Variants in POU2AF2 observed in about 807,000 individuals in gnomAD.
The protein encoded by POU2AF2 is POU class 2 homeobox associating factor 2.
the POU2AF2 span, among the ~76,000 whole-genome samples, chr11:111,272,115 A>G: frequency 1.1e-4 from 17 of 152,184 alleles, no homozygotes; most frequent in Non-Finnish European, 2.1e-4. Flanking sequence ...CAGGTATGTG[A>G]CATGCAGTTC....
chr11:111,248,297 CA>C, the POU2AF2 span, among the ~76,000 whole-genome samples: 1 of 152,130 alleles, frequency 6.6e-6, no homozygotes, highest in Admixed American at 6.5e-5. Context: ...GTCTGATTCT[CA>C]GTAATGTGGA....
At chr11:111,259,371 A>G in the POU2AF2 span, among the ~76,000 whole-genome samples, 2 of 142,842 alleles carry the variant, frequency 1.4e-5, no homozygotes, top group East Asian at 2.1e-4. Flanking sequence ...GCTGGAGTGC[A>G]GTGGCACAAT....
chr11:111,252,019 T>A, the POU2AF2 span, among the ~76,000 whole-genome samples: 2 of 152,252 alleles, frequency 1.3e-5, no homozygotes, highest in African/African-American at 4.8e-5. Flanking sequence ...CTTTTTGGCA[T>A]ACACATAAAG....
chr11:111,255,919 G>A, the POU2AF2 span: 6 of 398,602 alleles, frequency 1.5e-5, no homozygotes, highest in Non-Finnish European at 2.2e-5. Flanking sequence ...CCCTAAACAT[G>A]TCCTTTGGGA....
the POU2AF2 span, among the ~76,000 whole-genome samples, chr11:111,264,261 C>G: frequency 1.3e-5 from 2 of 151,672 alleles, no homozygotes; most frequent in Non-Finnish European, 2.9e-5. Flanking sequence ...TTTGGGAGGC[C>G]GAGGTGGGCA....
the POU2AF2 span, among the ~76,000 whole-genome samples, chr11:111,272,032 T>C: frequency 6.6e-6 from 1 of 152,152 alleles, no homozygotes; most frequent in Non-Finnish European, 1.5e-5. Flanking sequence ...AAAAGAACTT[T>C]ATAACCTGGT....
chr11:111,285,742 G>A, the POU2AF2 span: 46 of 1,613,298 alleles, frequency 2.9e-5, no homozygotes, highest in South Asian at 3.3e-4. Context: ...CACCCAGCAC[G>A]AGTTGCCTCT....
chr11:111,252,223 C>G, the POU2AF2 span, among the ~76,000 whole-genome samples: 1 of 152,112 alleles, frequency 6.6e-6, no homozygotes, highest in Admixed American at 6.5e-5. Flanking sequence ...GCCAGGACTG[C>G]GTAGATTAGA....
At chr11:111,257,574 C>A in the POU2AF2 span, among the ~76,000 whole-genome samples, 1 of 151,992 alleles carries the variant, frequency 6.6e-6, no homozygotes, top group Non-Finnish European at 1.5e-5. Context: ...AGGGGTTCCA[C>A]TATGTTGGCC....
the POU2AF2 span, among the ~76,000 whole-genome samples, chr11:111,257,403 A>G: frequency 6.8e-6 from 1 of 146,314 alleles, no homozygotes; most frequent in Admixed American, 7.0e-5. Context: ...ACTGTTGCCC[A>G]GGCTGGTGTG....
the POU2AF2 span, among the ~76,000 whole-genome samples, chr11:111,247,936 T>C: frequency 7.2e-6 from 1 of 138,230 alleles, no homozygotes; most frequent in Admixed American, 7.9e-5. Flanking sequence ...TGGAGTGCAG[T>C]GGTGTGGCGC....
the POU2AF2 span, among the ~76,000 whole-genome samples, chr11:111,258,399 AG>A: frequency 6.6e-6 from 1 of 152,208 alleles, no homozygotes; most frequent in Non-Finnish European, 1.5e-5. Context: ...AGGGTGAATG[AG>A]TGTGTAACTC....
chr11:111,278,325 T>C, the POU2AF2 span, among the ~76,000 whole-genome samples: 1 of 152,208 alleles, frequency 6.6e-6, no homozygotes, highest in Non-Finnish European at 1.5e-5. Flanking sequence ...ATGCTGCTTC[T>C]GAGTTGTTGG....
At chr11:111,269,933 G>A in the POU2AF2 span, among the ~76,000 whole-genome samples, 1 of 152,198 alleles carries the variant, frequency 6.6e-6, no homozygotes, top group Non-Finnish European at 1.5e-5. Flanking sequence ...CCCAGCAATT[G>A]AAGACAGTTG....
At chr11:111,283,809 G>T in the POU2AF2 span, among the ~76,000 whole-genome samples, 290 of 152,208 alleles carry the variant, frequency 1.9e-3, no homozygotes, top group African/African-American at 6.8e-3. Flanking sequence ...TCACCGGGAA[G>T]GTACTCAGTA....
the POU2AF2 span, among the ~76,000 whole-genome samples, chr11:111,271,052 G>A: frequency 1.3e-5 from 2 of 152,224 alleles, no homozygotes; most frequent in Non-Finnish European, 2.9e-5. Flanking sequence ...GCGGGGTGCA[G>A]TGGCTCATGC....
the POU2AF2 span, among the ~76,000 whole-genome samples, chr11:111,272,909 C>T: frequency 6.6e-6 from 1 of 152,284 alleles, no homozygotes; most frequent in East Asian, 1.9e-4. Flanking sequence ...TTCCTTTCTC[C>T]TGTCTGCATC....
chr11:111,247,462 C>T, the POU2AF2 span, among the ~76,000 whole-genome samples: 1 of 152,120 alleles, frequency 6.6e-6, no homozygotes, highest in Non-Finnish European at 1.5e-5. Flanking sequence ...GACCTAGCAT[C>T]TTTAAAAGTT....
At chr11:111,276,444 A>AG in the POU2AF2 span, among the ~76,000 whole-genome samples, 1 of 33,220 alleles carries the variant, frequency 3.0e-5, no homozygotes, top group African/African-American at 7.8e-5. Flanking sequence ...AAAAAGAAAA[A>AG]AAAAAAAAAA....
Sources: allele counts gnomAD v4.1 joint callset (sites outside exome capture counted in the v4.1 genomes callset), GRCh38; gene constraint gnomAD v4.1.1; transcripts MANE v1.5; gene names NCBI Gene and HGNC (gene_info 2026-07-23, HGNC 2026-07-21).